Variants in SRGAP3 observed in about 807,000 individuals in gnomAD.
The protein encoded by SRGAP3 is SLIT-ROBO Rho GTPase activating protein 3.
SRGAP3 carries 39 observed loss-of-function variants against 121.1 expected under a neutral mutation model. The ratio of observed to expected loss-of-function variants is 0.32; its 90% CI spans 0.25 to 0.42. The LOEUF is 0.42. Among genes scored for constraint, SRGAP3 ranks in the 10% least tolerant of loss-of-function variants. SRGAP3 has a pLI of 1.00. For synonymous variants in SRGAP3, 601 were observed against 570.0 expected (o/e 1.05, Z -0.77); for missense variants, 1,213 against 1,470.6 (o/e 0.82, Z 2.86).
rs543868450 is a variant in SRGAP3 at position 9,246,488 on chromosome 3, C to T, written c.67+2397G>A. Among the ~76,000 whole-genome samples, 5 of 152,314 alleles carry T rather than the reference C, an allele frequency of 3.3e-5. No homozygotes were observed. The South Asian group carries it at 6.2e-4, about 19-fold the overall frequency. On this transcript the variant is annotated intron_variant, in intron 1 of 21. Transcript: ENST00000383836. ...ACATCAATCCTTCAAGGGGCAGCTT[C>T]GGGCAAACAATGTGTCAGGGAACAC...
chr3:9,276,465 G>A (rs191077917), intron 3 of SRGAP3, among the ~76,000 whole-genome samples: 91 of 146,540 alleles, frequency 6.2e-4, no homozygotes, highest in South Asian at 4.3e-4. Flanking sequence ...TCCCACTGTC[G>A]CCCAGGCTGA....
intron 2 of SRGAP3, 100 bp from the exon 3 acceptor site, chr3:9,104,942 C>T (rs1948364609): frequency 2.1e-6 from 3 of 1,430,838 alleles, no homozygotes; most frequent in Non-Finnish European, 2.9e-6. Context: ...TCCACGGTGC[C>T]CCTTCAAGGT....
chr3:9,350,875 C>A (rs1235786336), intron 1 of SRGAP3, among the ~76,000 whole-genome samples: 5 of 152,166 alleles, frequency 3.3e-5, no homozygotes, highest in Non-Finnish European at 7.3e-5. Flanking sequence ...TGCTACATAA[C>A]AAACTACCCC....
At chr3:9,207,873 C>T (rs1048125525) in intron 1 of SRGAP3, among the ~76,000 whole-genome samples, 1 of 152,182 alleles carries the variant, frequency 6.6e-6, no homozygotes, top group African/African-American at 2.4e-5. Flanking sequence ...ACTCTGTGTC[C>T]ACCACACCAT....
At chr3:9,222,106 C>G (rs1268748105) in intron 1 of SRGAP3, among the ~76,000 whole-genome samples, 1 of 152,118 alleles carries the variant, frequency 6.6e-6, no homozygotes, top group Non-Finnish European at 1.5e-5. Context: ...TAGGTTGATC[C>G]CTTCAGAGTT....
rs1156597319 is a variant in SRGAP3, at chr3:9,123,730, A to ATGTG, written c.260+994_260+995insCACA. ...AAAATATATATATATATATATGTATATATGTGTGTGTGTGTGTGTGTGTGT... is the reference window on the plus strand; with the variant it reads ...AAAATATATATATATATATATGTATATGTGTATGTGTGTGTGTGTGTGTGTGTGT... On this transcript the variant is annotated intron_variant, in intron 2 of 21. Coordinates refer to ENST00000383836, the MANE Select transcript of SRGAP3 (RefSeq NM_014850.4). 1.5e-4 allele frequency among the ~76,000 whole-genome samples: 16 copies of ATGTG among 110,240 alleles called. No homozygotes were observed. The East Asian group carries it at 2.2e-3, about 15-fold the overall frequency. 72.3% of individuals were successfully genotyped at this position (110,240 alleles called of 152,430 possible).
chr3:9,292,906 G>A (rs1336988631), intron 3 of SRGAP3: 1 of 151,894 alleles, frequency 6.6e-6, no homozygotes, highest in East Asian at 1.9e-4. Context: ...ATTGTCTTCT[G>A]TCATTTCTTC....
rs530836242 is a variant in SRGAP3, at chr3:8,986,040, G to A, written c.2887-108C>T. 87 of 1,561,776 alleles carry A rather than the reference G, an allele frequency of 5.6e-5. No homozygotes were observed. In the African/African-American group the frequency reaches 9.7e-4, roughly 17 times the overall value. On this transcript the variant is annotated intron_variant, in intron 21 of 21. Transcript: ENST00000383836. The stretch of plus-strand genomic sequence containing the variant: ...TAGGCAGGTTCCCCAGAAGCCTCGC[G>A]GCAGGGATGGAGATTAAGTCCTCAG...
chr3:9,305,872 G>A (rs561759091), intron 3 of SRGAP3, among the ~76,000 whole-genome samples: 2 of 152,232 alleles, frequency 1.3e-5, no homozygotes, highest in South Asian at 2.1e-4. Flanking sequence ...ATAAACATAC[G>A]TGTGCATGTG....
intron 1 of SRGAP3, among the ~76,000 whole-genome samples, chr3:9,145,835 G>A (rs1160243336): frequency 9.9e-5 from 15 of 152,210 alleles, no homozygotes; most frequent in Admixed American, 9.8e-4. Context: ...CACCAGGTGA[G>A]GAGAGAGAAG....
chr3:9,196,799 T>C (rs1225993720), intron 1 of SRGAP3, among the ~76,000 whole-genome samples: 1 of 152,174 alleles, frequency 6.6e-6, no homozygotes, highest in Non-Finnish European at 1.5e-5. Flanking sequence ...TCCAATACTC[T>C]TATTTTAAGA....
intron 15 of SRGAP3, among the ~76,000 whole-genome samples, chr3:9,015,061 C>A (rs969680137): frequency 6.6e-6 from 1 of 152,212 alleles, no homozygotes; most frequent in Middle Eastern, 3.4e-3. Flanking sequence ...AGAGAAAAAT[C>A]CCCAGACAAC....
intron 2 of SRGAP3, among the ~76,000 whole-genome samples, chr3:9,107,316 AAGAATT>A (rs1476303537): frequency 6.6e-6 from 1 of 152,208 alleles, no homozygotes; most frequent in East Asian, 1.9e-4. Context: ...ATCAGAAAAA[AAGAATT>A]AGAGAGGAAG....
intron 18 of SRGAP3, among the ~76,000 whole-genome samples, chr3:9,009,610 T>G (rs1943257709): frequency 6.6e-6 from 1 of 152,190 alleles, no homozygotes; most frequent in South Asian, 2.1e-4. Context: ...GCCTGACGGA[T>G]AAGTTGGCAT....
intron 18 of SRGAP3, chr3:9,007,785 A>T (rs906555452): frequency 1.3e-5 from 2 of 152,134 alleles, no homozygotes; most frequent in Non-Finnish European, 2.9e-5. Flanking sequence ...CTCAGATTAC[A>T]TGACCATAAG....
intron 1 of SRGAP3, among the ~76,000 whole-genome samples, chr3:9,182,175 C>CAAAAAAAAAAAAAAAAAAAAAAAAA (rs34305216): frequency 2.7e-5 from 1 of 37,282 alleles, no homozygotes; most frequent in Non-Finnish European, 4.3e-5. Flanking sequence ...GACTCTGTCT[C>CAAAAAAAAAAAAAAAAAAAAAAAAA]AAAAAAAAAA....
In SRGAP3 at chr3:9,014,045, TA is replaced by T. The variant is rs1943509353; in HGVS notation, c.1814-204del. On this transcript the variant is annotated intron_variant, in intron 15 of 21. Transcript: ENST00000383836. Reference sequence around the variant, plus strand: ...ACAGGGAGGGGCTGGAGGTGTGGCCTAATCAAGAACCAATCAGAGTCGACTC... The same window carrying T: ...ACAGGGAGGGGCTGGAGGTGTGGCCTATCAAGAACCAATCAGAGTCGACTC... 1.9e-5 allele frequency: 12 copies of T among 637,960 alleles called. No individual in the cohort carries two copies. In the South Asian group the frequency reaches 2.1e-4, roughly 11 times the overall value. The allele number at this position is 637,960 out of a possible 1,614,324, so 39.5% of individuals were successfully genotyped here.
intron 1 of SRGAP3, among the ~76,000 whole-genome samples, chr3:9,127,525 G>T (rs1949282258): frequency 6.6e-6 from 1 of 152,198 alleles, no homozygotes. Context: ...TCCACTCACT[G>T]CAACCTCCGC....
At chr3:9,186,232 T>G (rs1045023597) in intron 1 of SRGAP3, among the ~76,000 whole-genome samples, 4 of 152,154 alleles carry the variant, frequency 2.6e-5, no homozygotes, top group Non-Finnish European at 4.4e-5. Flanking sequence ...GCCTTCAAGA[T>G]CTAACTTAAC....
Sources: allele counts gnomAD v4.1 joint callset (sites outside exome capture counted in the v4.1 genomes callset), GRCh38; gene constraint gnomAD v4.1.1; transcripts MANE v1.5; gene names NCBI Gene and HGNC (gene_info 2026-07-23, HGNC 2026-07-21).